Variants in DPP6 observed in about 807,000 individuals in gnomAD.
The protein encoded by DPP6 is A-type potassium channel modulatory protein DPP6.
Under a neutral mutation model 122.6 loss-of-function variants are expected in DPP6, and 69 were observed. The observed-to-expected ratio is 0.56, with a 90% confidence interval of 0.46 to 0.69. DPP6 has a LOEUF of 0.69. DPP6 is among the 30% of genes least tolerant of loss of function. DPP6 has a pLI of 0.00. For missense variants in DPP6, 928 were observed against 1,116.9 expected (o/e 0.83, Z 2.41); for synonymous variants, 418 against 433.1 (o/e 0.97, Z 0.43).
At chr7:154,367,202 A>G (rs2151111255) in intron 1 of DPP6, among the ~76,000 whole-genome samples, 1 of 152,268 alleles carries the variant, frequency 6.6e-6, no homozygotes, top group South Asian at 2.1e-4. Context: ...GCAGATGTGG[A>G]CAGAGACCCG....
At chr7:154,407,527 T>C (rs886353947) in intron 1 of DPP6, among the ~76,000 whole-genome samples, 1 of 152,222 alleles carries the variant, frequency 6.6e-6, no homozygotes, top group Non-Finnish European at 1.5e-5. Flanking sequence ...TGTTTAAAGA[T>C]ATTCACCCTT....
At chr7:153,862,188 A>G in the DPP6 span, among the ~76,000 whole-genome samples, 1 of 152,228 alleles carries the variant, frequency 6.6e-6, no homozygotes, top group Admixed American at 6.5e-5. Context: ...ACCAGGATGT[A>G]GTTGTAACAA....
chr7:154,060,175 A>C (rs1290429390), intron 1 of DPP6, among the ~76,000 whole-genome samples: 2 of 136,930 alleles, frequency 1.5e-5, no homozygotes, highest in Non-Finnish European at 3.1e-5. Flanking sequence ...GCAGGGGGGG[A>C]GGCACCCCTC....
chr7:154,655,250 T>A (rs1837162970), intron 6 of DPP6, among the ~76,000 whole-genome samples: 1 of 152,152 alleles, frequency 6.6e-6, no homozygotes, highest in African/African-American at 2.4e-5. Flanking sequence ...AGCTTTTCAG[T>A]CCCTCAAAAT....
chr7:154,679,214 A>T (rs1299440998), intron 7 of DPP6, among the ~76,000 whole-genome samples: 3 of 152,154 alleles, frequency 2.0e-5, no homozygotes, highest in South Asian at 2.1e-4. Flanking sequence ...ACTCTTAGGG[A>T]GGGAGGGGGA....
the DPP6 span, among the ~76,000 whole-genome samples, chr7:153,778,065 GA>G: frequency 6.7e-6 from 1 of 148,888 alleles, no homozygotes; most frequent in Non-Finnish European, 1.5e-5. Context: ...AAGGCAAAAA[GA>G]ATAGAGCAAA....
At chr7:154,513,610 A>G (rs1306529244) in intron 3 of DPP6, among the ~76,000 whole-genome samples, 1 of 152,104 alleles carries the variant, frequency 6.6e-6, no homozygotes, top group African/African-American at 2.4e-5. Flanking sequence ...ATCAGCTCTG[A>G]TCATCCATTA....
upstream of DPP6, among the ~76,000 whole-genome samples, chr7:153,883,208 G>C (rs557562217): frequency 6.6e-6 from 1 of 152,290 alleles, no homozygotes; most frequent in East Asian, 1.9e-4. Flanking sequence ...AATAGCACAA[G>C]AAAAAGTCAT....
chr7:154,355,883 A>G (rs1001629855), intron 1 of DPP6, among the ~76,000 whole-genome samples: 1 of 152,228 alleles, frequency 6.6e-6, no homozygotes, highest in Non-Finnish European at 1.5e-5. Context: ...ACTCACTCAC[A>G]TAGTGGTTGA....
chr7:153,892,496 T>C (rs1799245367), intron 1 of DPP6, among the ~76,000 whole-genome samples: 1 of 152,102 alleles, frequency 6.6e-6, no homozygotes, highest in African/African-American at 2.4e-5. Flanking sequence ...GTATTTTTAG[T>C]AGAGACGAGG....
At chr7:154,060,125 A>C (rs1249949529) in intron 1 of DPP6, among the ~76,000 whole-genome samples, 1 of 145,240 alleles carries the variant, frequency 6.9e-6, no homozygotes, top group East Asian at 2.1e-4. Context: ...CGGGACTGCA[A>C]ACCTCCACCT....
At chr7:154,055,091 T>A (rs1239693081) in intron 1 of DPP6, among the ~76,000 whole-genome samples, 2 of 25,480 alleles carry the variant, frequency 7.8e-5, no homozygotes, top group African/African-American at 3.0e-4. Flanking sequence ...CCTGACATGC[T>A]TTTTTTTTTT....
chr7:154,558,349 T>A (rs981628944), intron 4 of DPP6, among the ~76,000 whole-genome samples: 7 of 152,124 alleles, frequency 4.6e-5, no homozygotes, highest in Non-Finnish European at 1.0e-4. Context: ...CAGAACTCTG[T>A]TAGATGAAGT....
intron 1 of DPP6, among the ~76,000 whole-genome samples, chr7:154,353,032 G>T (rs1044793333): frequency 6.6e-6 from 1 of 152,152 alleles, no homozygotes; most frequent in Non-Finnish European, 1.5e-5. Flanking sequence ...GAGATGCTCC[G>T]AGCATGCTCT....
chr7:154,581,864 C>T, intron 5 of DPP6, among the ~76,000 whole-genome samples: 1 of 152,186 alleles, frequency 6.6e-6, no homozygotes, highest in East Asian at 1.9e-4. Flanking sequence ...ACCGAAAAGG[C>T]CCCATTCTCC....
chr7:154,800,302 A>G (rs553654723), intron 12 of DPP6, among the ~76,000 whole-genome samples: 9 of 152,328 alleles, frequency 5.9e-5, no homozygotes, highest in Non-Finnish European at 1.0e-4. Context: ...TCATATCTGC[A>G]TGGGTTCACT....
intron 6 of DPP6, among the ~76,000 whole-genome samples, chr7:154,655,905 C>T (rs1324156712): frequency 1.3e-5 from 2 of 152,142 alleles, no homozygotes; most frequent in African/African-American, 2.4e-5. Flanking sequence ...TGGCCCTGAG[C>T]AAGTCGCTTT....
At chr7:153,901,602 C>T (rs1274606193) in intron 1 of DPP6, among the ~76,000 whole-genome samples, 1 of 152,186 alleles carries the variant, frequency 6.6e-6, no homozygotes, top group Non-Finnish European at 1.5e-5. Flanking sequence ...ACGGTGATGT[C>T]AGCTTCTACC....
At chr7:154,737,990 G>A (rs1224704342) in intron 8 of DPP6, among the ~76,000 whole-genome samples, 1 of 152,188 alleles carries the variant, frequency 6.6e-6, no homozygotes, top group African/African-American at 2.4e-5. Flanking sequence ...CTGTGGAAGC[G>A]CAGGCATATT....
Sources: gnomAD v4.1 joint callset for allele counts (sites outside exome capture counted in the v4.1 genomes callset) on GRCh38, gnomAD v4.1.1 for gene constraint, MANE v1.5 for transcripts, NCBI Gene and HGNC (gene_info 2026-07-23, HGNC 2026-07-21) for gene names.